Variants in SPATA31D1 observed in about 807,000 individuals in gnomAD.
SPATA31D1 encodes the protein spermatogenesis-associated protein 31D1.
SPATA31D1 carries 6 observed loss-of-function variants against 13.2 expected under a neutral mutation model. The ratio of observed to expected loss-of-function variants is 0.46; its 90% CI spans 0.25 to 0.90. The LOEUF (loss-of-function observed/expected upper bound fraction) is 0.90. Ranked by LOEUF, SPATA31D1 falls within the 40% of genes least tolerant of loss-of-function variation. SPATA31D1 has a pLI of 0.18. For synonymous variants in SPATA31D1, 903 were observed against 718.8 expected, an observed-to-expected ratio of 1.26 and a Z score of -4.10; for missense variants, 2,445 against 1,884.7, an observed-to-expected ratio of 1.30 and a Z score of -5.50.
At position 81,993,153 on chromosome 9, in the gene SPATA31D1, C is replaced by A. The variant is rs746432179; in HGVS notation, c.2683C>A (p.Leu895Ile). Reference sequence around the variant, plus strand: ...TGATACTTCCCAGGAAATTTCCTTCCTTAGTTCCAACAAACAAAAGATGTT... The same window carrying A: ...TGATACTTCCCAGGAAATTTCCTTCATTAGTTCCAACAAACAAAAGATGTT... Reference protein sequence around the residue: ...CVDTSQEISFLSSNKQKMLEA... With the variant: ...CVDTSQEISFISSNKQKMLEA... The change falls in exon 4 of 4, where the codon CTT (leucine) becomes ATT (isoleucine). Residue 895 changes from leucine (L) to isoleucine (I), a missense_variant. Transcript: ENST00000344803. 2 of 1,613,952 alleles carry A rather than the reference C, an allele frequency of 1.2e-6. No homozygotes were observed. Among genetic ancestry groups the A allele is most frequent in the Non-Finnish European group, 1.7e-6 (2 of 1,179,892 alleles).
Position 81,994,723 on chromosome 9 carries a change from G to A in SPATA31D1, c.4253G>A (p.Gly1418Glu), listed in dbSNP as rs1194334948. The A allele has an allele frequency of 6.2e-7, 1 of 1,613,864 alleles. No homozygotes were observed. The highest frequency in any genetic ancestry group is 2.2e-5 in the East Asian group (1 of 44,860). ...DTREFLEEKL[G>E]HRHGIDITCP... ...AGGGAGTTCCTAGAAGAGAAGCTGG[G>A]GCATAGGCATGGGATAGATATCACC... Residue 1418 changes from glycine to glutamate, a missense_variant, in exon 4 of 4, where the codon GGG (glycine) becomes GAG (glutamate). By Grantham distance (98) the Gly-to-Glu change is moderately conservative. Coordinates refer to ENST00000344803, the MANE Select transcript of SPATA31D1 (RefSeq NM_001001670.3).
At position 81,994,480 on chromosome 9, in the gene SPATA31D1, C is replaced by G; in HGVS notation, c.4010C>G (p.Ser1337Cys). ...GGGGAGGTGCTTGGGAGCAAATCTT[C>G]CCCAACCTTGAAAACACAGCCTCCT... ...TSGEVLGSKSSPTLKTQPPPE... is the reference protein window; with the variant it reads ...TSGEVLGSKSCPTLKTQPPPE... The change falls in exon 4 of 4, where the codon TCC (serine) becomes TGC (cysteine). Residue 1337 changes from serine (S) to cysteine (C), a missense_variant. Ser to Cys is a moderately radical substitution (Grantham distance 112). Transcript: ENST00000344803. The G allele has an allele frequency of 6.2e-7, 1 of 1,613,368 alleles. No homozygotes were observed. Among genetic ancestry groups the G allele is most frequent in the Non-Finnish European group, 8.5e-7 (1 of 1,179,598 alleles).
Position 81,994,297 on chromosome 9 carries a change from C to T in SPATA31D1, c.3827C>T (p.Thr1276Ile), listed in dbSNP as rs1217550524. ...CAGAAGCAGGAGCCCAGGGTCCCTA[C>T]CTGTGTCTTACAGAAGTGTCAAGTT... is the stretch of plus-strand genomic sequence containing the variant. The part of the protein sequence containing the change: ...VAQKQEPRVP[T>I]CVLQKCQVTN... Residue 1276 changes from threonine to isoleucine, a missense_variant, in exon 4 of 4, where the codon ACC becomes ATC. Coordinates refer to ENST00000344803, the MANE Select transcript of SPATA31D1 (RefSeq NM_001001670.3). 1 of 1,613,978 alleles carries T rather than the reference C, an allele frequency of 6.2e-7. No individual in the cohort carries two copies. Among genetic ancestry groups the T allele is most frequent in the Non-Finnish European group, 8.5e-7 (1 of 1,179,892 alleles).
Position 81,991,741 on chromosome 9 carries a change from A to T in SPATA31D1, c.1271A>T (p.Asp424Val). The change falls in exon 4 of 4, where the codon GAT becomes GTT. Residue 424 changes from aspartate (D) to valine (V), a missense_variant. Physicochemically the swap from Asp to Val is radical, Grantham distance 152 (BLOSUM62 -3). Transcript: ENST00000344803. ...GAGAGACAAGTCAAAAAAAGGGGTGATTTCCTGATGTGGAAAGAAAATGGA... is the reference window on the plus strand; with the variant it reads ...GAGAGACAAGTCAAAAAAAGGGGTGTTTTCCTGATGTGGAAAGAAAATGGA... ...LLERQVKKRG[D>V]FLMWKENGKK... is the part of the protein sequence containing the mutation. The T allele has an allele frequency of 6.2e-7, 1 of 1,613,802 alleles. No individual in the cohort carries two copies. Among genetic ancestry groups the T allele is most frequent in the African/African-American group, 1.3e-5 (1 of 75,044 alleles).
At position 81,991,798 on chromosome 9, in the gene SPATA31D1, G is replaced by A; in HGVS notation, c.1328G>A (p.Arg443Lys). The A allele has an allele frequency of 6.2e-7, 1 of 1,613,718 alleles. No individual in the cohort carries two copies. The highest frequency in any genetic ancestry group is 1.1e-5 in the South Asian group (1 of 91,074). ...CCAGGATCATTCCCAAAACAACTTA[G>A]GCCAAACTACCAACTAAATTCCTCA... ...KKPGSFPKQL[R>K]PNYQLNSSRN... The change falls in exon 4 of 4, where the codon AGG becomes AAG. Residue 443 changes from arginine (R) to lysine (K), a missense_variant. Physicochemically the swap from Arg to Lys is conservative, Grantham distance 26. Transcript: ENST00000344803.
chr9:81,991,519 A>G lies in SPATA31D1; in HGVS notation c.1049A>G (p.His350Arg), dbSNP rs781171330. ...APTIKGIDHS[H>R]LASSEFTWWQ... Reference sequence around the variant, plus strand: ...ACAATCAAAGGCATTGACCATTCACACCTTGCATCTTCAGAATTCACCTGG... The same window carrying G: ...ACAATCAAAGGCATTGACCATTCACGCCTTGCATCTTCAGAATTCACCTGG... The change falls in exon 4 of 4, where the codon CAC (histidine) becomes CGC (arginine). Residue 350 changes from histidine (H) to arginine (R), a missense_variant. Transcript: ENST00000344803. 1.9e-6 allele frequency: 3 copies of G among 1,613,884 alleles called. No homozygotes were observed. The highest frequency in any genetic ancestry group is 2.2e-5 in the South Asian group (2 of 91,078).
In SPATA31D1 at chr9:81,992,071, G is replaced by A; in HGVS notation, c.1601G>A (p.Gly534Asp). The A allele has an allele frequency of 1.2e-6, 2 of 1,613,674 alleles. No homozygotes were observed. The highest frequency in any genetic ancestry group is 1.7e-4 in the Middle Eastern group (1 of 6,056). Residue 534 changes from glycine (G) to aspartate (D), a missense_variant, in exon 4 of 4, where the codon GGC (glycine) becomes GAC (aspartate). By Grantham distance (94) the Gly-to-Asp change is moderately conservative. Transcript: ENST00000344803. ...GHSSMFVFFN[G>D]ITNTSISHES... is the part of the protein sequence containing the mutation. ...TCCTCCATGTTTGTATTCTTCAATG[G>A]CATTACAAATACATCTATATCCCAT...
chr9:81,994,832 C>T lies in SPATA31D1; in HGVS notation c.4362C>T (p.Val1454=). The stretch of plus-strand genomic sequence containing the variant: ...AAGTGCATGTCAGAGCAGAGCCTGT[C>T]CAGGGCTGTCCCTGCAACTACAGGG... ...NPEVHVRAEP[V]QGCPCNYRAP... is the part of the protein sequence containing the mutation. The change falls in exon 4 of 4, where the codon GTC becomes GTT. Residue 1454 remains valine (V), a synonymous_variant. Coordinates refer to ENST00000344803, the MANE Select transcript of SPATA31D1 (RefSeq NM_001001670.3). The T allele has an allele frequency of 6.2e-7, 1 of 1,613,956 alleles. No homozygotes were observed. The highest frequency in any genetic ancestry group is 1.1e-5 in the South Asian group (1 of 91,082).
At position 81,992,828 on chromosome 9, in the gene SPATA31D1, G is replaced by A; in HGVS notation, c.2358G>A (p.Leu786=). The change falls in exon 4 of 4, where the codon TTG becomes TTA. Residue 786 remains leucine (L), a synonymous_variant. Coordinates refer to ENST00000344803, the MANE Select transcript of SPATA31D1 (RefSeq NM_001001670.3). ...SQETVPKDHL[L]HGPETSSDKD... ...AGACTGTCCCAAAAGATCACCTGTT[G>A]CATGGTCCGGAGACTTCTTCAGACA... 1 of 1,613,822 alleles carries A rather than the reference G, an allele frequency of 6.2e-7. No individual in the cohort carries two copies. The highest frequency in any genetic ancestry group is 8.5e-7 in the Non-Finnish European group (1 of 1,179,728).
rs769523913 is a variant in SPATA31D1 at position 81,992,119 on chromosome 9, C to T, written c.1649C>T (p.Pro550Leu). ...CATGAATCCCCAGTACTTCCCCCTC[C>T]CCAACCTCTGTCCTTGCCTAGTACC... ...ISHESPVLPP[P>L]QPLSLPSTQP... The change falls in exon 4 of 4, where the codon CCC becomes CTC. Residue 550 changes from proline (P) to leucine (L), a missense_variant. By Grantham distance (98) the Pro-to-Leu change is moderately conservative. Transcript: ENST00000344803. The T allele has an allele frequency of 1.9e-6, 3 of 1,613,606 alleles. No homozygotes were observed. The highest frequency in any genetic ancestry group is 1.7e-5 in the Admixed American group (1 of 59,976).
chr9:81,991,404 A>C lies in SPATA31D1; in HGVS notation c.934A>C (p.Thr312Pro). 4.3e-6 allele frequency: 7 copies of C among 1,613,966 alleles called. No individual in the cohort carries two copies. Among genetic ancestry groups the C allele is most frequent in the Non-Finnish European group, 5.1e-6 (6 of 1,179,884 alleles). ...TTTACCACCGGAAGATTGCACTGTG[A>C]CTCAGTCTAAATCAAGTCTCACCAT... The part of the protein sequence containing the change: ...SALPPEDCTV[T>P]QSKSSLTILK... The change falls in exon 4 of 4, where the codon ACT (threonine) becomes CCT (proline). Residue 312 changes from threonine to proline, a missense_variant. Coordinates refer to ENST00000344803, the MANE Select transcript of SPATA31D1 (RefSeq NM_001001670.3).
chr9:81,994,979 G>A lies in SPATA31D1; in HGVS notation c.4509G>A (p.Glu1503=). Residue 1503 remains glutamate (E), a synonymous_variant, in exon 4 of 4, where the codon GAG becomes GAA. Transcript: ENST00000344803. ...AGGACAGACAGCCCCAGAAAGTTGA[G>A]GCATTTAAGGGGAAGATACTGTGTC... The part of the protein sequence containing the change: ...IDKDRQPQKV[E]AFKGKILCQS... The A allele has an allele frequency of 6.2e-7, 1 of 1,613,952 alleles. No individual in the cohort carries two copies. The highest frequency in any genetic ancestry group is 8.5e-7 in the Non-Finnish European group (1 of 1,179,872).
In SPATA31D1 at chr9:81,993,028, C is replaced by T. The variant is rs778823280; in HGVS notation, c.2558C>T (p.Ser853Leu). ...EGRMPGTVHS[S>L]WHSVKQTMSL... ...CGAATGCCTGGGACTGTGCATAGTT[C>T]ATGGCACTCAGTCAAGCAGACAATG... The change falls in exon 4 of 4, where the codon TCA (serine) becomes TTA (leucine). Residue 853 changes from serine to leucine, a missense_variant. Transcript: ENST00000344803. 1 of 1,613,786 alleles carries T rather than the reference C, an allele frequency of 6.2e-7. No individual in the cohort carries two copies. The highest frequency in any genetic ancestry group is 8.5e-7 in the Non-Finnish European group (1 of 1,179,722).
Position 81,991,824 on chromosome 9 carries a change from C to T in SPATA31D1, c.1354C>T (p.Arg452Trp), listed in dbSNP as rs376270710. Reference sequence around the variant, plus strand: ...GCCAAACTACCAACTAAATTCCTCACGGAATATGTTAACCTCAATTGCTGT... The same window carrying T: ...GCCAAACTACCAACTAAATTCCTCATGGAATATGTTAACCTCAATTGCTGT... ...LRPNYQLNSS[R>W]NMLTSIAVKH... Residue 452 changes from arginine to tryptophan, a missense_variant, in exon 4 of 4, where the codon CGG becomes TGG. Physicochemically the swap from Arg to Trp is moderately radical, Grantham distance 101 (BLOSUM62 -3). Coordinates refer to ENST00000344803, the MANE Select transcript of SPATA31D1 (RefSeq NM_001001670.3). The T allele has an allele frequency of 2.7e-5, 44 of 1,613,642 alleles. No homozygotes were observed. Among genetic ancestry groups the T allele is most frequent in the Admixed American group, 2.2e-4 (13 of 59,996 alleles).
rs1587532155 is a variant in SPATA31D1 at position 81,993,588 on chromosome 9, A to T, written c.3118A>T (p.Thr1040Ser). 1.2e-6 allele frequency: 2 copies of T among 1,613,968 alleles called. No individual in the cohort carries two copies. Among genetic ancestry groups the T allele is most frequent in the Non-Finnish European group, 1.7e-6 (2 of 1,179,880 alleles). ...TDFQSEKLDS[T>S]SSFPILGHSY... ...TTTTCAAAGCGAAAAATTAGATTCA[A>T]CAAGCTCATTCCCCATCCTCGGTCA... Residue 1040 changes from threonine (T) to serine (S), a missense_variant, in exon 4 of 4, where the codon ACA becomes TCA. Physicochemically the swap from Thr to Ser is moderately conservative, Grantham distance 58. Coordinates refer to ENST00000344803, the MANE Select transcript of SPATA31D1 (RefSeq NM_001001670.3).
intron 3 of SPATA31D1, 132 bp from the exon 4 acceptor site, chr9:81,990,641 T>G (rs1464649375): frequency 1.5e-6 from 2 of 1,347,356 alleles, no homozygotes; most frequent in East Asian, 5.0e-5. Flanking sequence ...GGAGAGGCTA[T>G]AGTGAGGTCA....
At position 81,989,671 on chromosome 9, in the gene SPATA31D1, T is replaced by A. The variant is rs558196154; in HGVS notation, c.187-107T>A. On this transcript the variant is annotated intron_variant, in intron 1 of 3. Transcript: ENST00000344803. ...GAACATATTTCTATTAATTAAAGAG[T>A]AATATTCTTGTATAATGAATGAATG... is the stretch of plus-strand genomic sequence containing the variant. The A allele has an allele frequency of 8.6e-5, 103 of 1,198,252 alleles. 1 individual carries two copies. In the Middle Eastern group the frequency reaches 2.5e-3, roughly 30 times the overall value. The allele number at this position is 1,198,252 out of a possible 1,614,324, so 74.2% of individuals were successfully genotyped here. A position where few individuals can be genotyped will look rare whatever the true frequency, so the allele number is the denominator to read the frequency against.
chr9:81,994,935 A>T lies in SPATA31D1; in HGVS notation c.4465A>T (p.Ile1489Phe). ...TGTTGGCCAGAATTATCCTACAAGG[A>T]TTAGACAGATCATAGACAAGGACAG... is the stretch of plus-strand genomic sequence containing the variant. ...IFVGQNYPTRIRQIIDKDRQP... is the reference protein window; with the variant it reads ...IFVGQNYPTRFRQIIDKDRQP... The change falls in exon 4 of 4, where the codon ATT becomes TTT. Residue 1489 changes from isoleucine to phenylalanine, a missense_variant. Ile to Phe is a conservative substitution (Grantham distance 21). Transcript: ENST00000344803. 1 of 1,614,014 alleles carries T rather than the reference A, an allele frequency of 6.2e-7. No individual in the cohort carries two copies. Among genetic ancestry groups the T allele is most frequent in the Non-Finnish European group, 8.5e-7 (1 of 1,179,896 alleles).
Position 81,992,958 on chromosome 9 carries a change from C to T in SPATA31D1, c.2488C>T (p.Leu830=), listed in dbSNP as rs778974980. The change falls in exon 4 of 4, where the codon CTG becomes TTG. Residue 830 remains leucine, a synonymous_variant. Coordinates refer to ENST00000344803, the MANE Select transcript of SPATA31D1 (RefSeq NM_001001670.3). The part of the protein sequence containing the change: ...RLGQKQLENA[L]TVRLSKKFEE... ...AGGTCAGAAACAACTTGAAAATGCC[C>T]TGACAGTACGTTTGAGCAAGAAATT... The T allele has an allele frequency of 1.2e-6, 2 of 1,613,738 alleles. No homozygotes were observed. Among genetic ancestry groups the T allele is most frequent in the East Asian group, 2.2e-5 (1 of 44,860 alleles).
Sources: allele counts gnomAD v4.1 joint callset, GRCh38; gene constraint gnomAD v4.1.1; transcripts MANE v1.5; gene names NCBI Gene and HGNC (gene_info 2026-07-23, HGNC 2026-07-21).